Variants in GABRB2 observed in about 807,000 individuals in gnomAD.
GABRB2 encodes gamma-aminobutyric acid type A receptor subunit beta2.
A neutral mutation model predicts 54.7 loss-of-function variants in GABRB2; 16 were observed. The observed-to-expected ratio is 0.29, with a 90% CI of 0.20 to 0.44. The LOEUF (loss-of-function observed/expected upper bound fraction) is 0.44, where lower values mean the gene tolerates loss of function less well. Ranked by LOEUF, GABRB2 falls within the 20% of genes least tolerant of loss-of-function variation. GABRB2 has a pLI of 1.00. For missense variants in GABRB2, 355 were observed against 644.0 expected (o/e 0.55, Z 4.86); for synonymous variants, 244 against 233.8 (o/e 1.04, Z -0.40).
chr5:161,539,711 G>T (rs1281451953), intron 3 of GABRB2, among the ~76,000 whole-genome samples: 1 of 152,068 alleles, frequency 6.6e-6, no homozygotes, highest in Non-Finnish European at 1.5e-5. Context: ...TTACATGAAG[G>T]CATACCACAG....
chr5:161,424,855 T>C (rs566801353), intron 4 of GABRB2, among the ~76,000 whole-genome samples: 233 of 152,206 alleles, frequency 1.5e-3, no homozygotes, highest in Non-Finnish European at 2.9e-3. Context: ...CTTGATGCCA[T>C]TAAGACCAAT....
chr5:161,424,456 T>C (rs1001257245), intron 4 of GABRB2, among the ~76,000 whole-genome samples: 1 of 152,138 alleles, frequency 6.6e-6, no homozygotes, highest in African/African-American at 2.4e-5. Context: ...CCCTTAAAAG[T>C]TATGCTAAAT....
At chr5:161,486,938 C>T (rs1758942536) in intron 3 of GABRB2, among the ~76,000 whole-genome samples, 1 of 151,804 alleles carries the variant, frequency 6.6e-6, no homozygotes, top group South Asian at 2.1e-4. Flanking sequence ...AGAATCTTTA[C>T]CAAATCTAAC....
chr5:161,440,338 A>G (rs1010423189), intron 4 of GABRB2, among the ~76,000 whole-genome samples: 1 of 152,158 alleles, frequency 6.6e-6, no homozygotes, highest in East Asian at 1.9e-4. Context: ...TCTGTTGCCT[A>G]CAAGAAACGC....
intron 4 of GABRB2, among the ~76,000 whole-genome samples, chr5:161,443,511 T>G (rs1279150647): frequency 6.6e-6 from 1 of 152,182 alleles, no homozygotes; most frequent in Non-Finnish European, 1.5e-5. Flanking sequence ...AAAACCTATT[T>G]AGTGACACAG....
chr5:161,329,472 A>T, intron 8 of GABRB2: 1 of 152,154 alleles, frequency 6.6e-6, no homozygotes, highest in East Asian at 1.9e-4. Flanking sequence ...ATTGTTGCAA[A>T]TATCATCTTC....
chr5:161,454,115 G>A lies in GABRB2; in HGVS notation c.458+5509C>T, dbSNP rs554058459. On this transcript the variant is annotated intron_variant, in intron 4 of 9. Transcript: ENST00000393959. ...CTTCAAATAAAGTTAAGAAAATGGAGGAGTGATAAGACATGATGAGAAGAA... is the reference window on the plus strand; with the variant it reads ...CTTCAAATAAAGTTAAGAAAATGGAAGAGTGATAAGACATGATGAGAAGAA... Among the ~76,000 whole-genome samples the A allele has an allele frequency of 2.9e-3, 445 of 151,900 alleles. 2 individuals are homozygous for A. Among genetic ancestry groups the A allele is most frequent in the Middle Eastern group, 6.9e-3 (2 of 290 alleles).
At chr5:161,535,833 A>G (rs1368079254) in intron 3 of GABRB2, among the ~76,000 whole-genome samples, 1 of 152,060 alleles carries the variant, frequency 6.6e-6, no homozygotes, top group Admixed American at 6.5e-5. Context: ...GCCTAATGGG[A>G]GGTGCTAAGA....
chr5:161,514,236 C>T (rs1277190906), intron 3 of GABRB2, among the ~76,000 whole-genome samples: 1 of 152,102 alleles, frequency 6.6e-6, no homozygotes. Flanking sequence ...CCAAGGCTTG[C>T]CCTCCCATTC....
At chr5:161,372,267 G>A (rs1171911037) in intron 5 of GABRB2, among the ~76,000 whole-genome samples, 2 of 152,108 alleles carry the variant, frequency 1.3e-5, no homozygotes, top group Non-Finnish European at 2.9e-5. Context: ...ACCCACTGGG[G>A]CTGCATCCCT....
chr5:161,501,435 T>C (rs1326839998), intron 3 of GABRB2, among the ~76,000 whole-genome samples: 1 of 152,186 alleles, frequency 6.6e-6, no homozygotes, highest in Non-Finnish European at 1.5e-5. Flanking sequence ...TTTGAGTGCT[T>C]TATTTTTGAA....
At chr5:161,308,703 A>G (rs1025141336) in intron 9 of GABRB2, among the ~76,000 whole-genome samples, 1 of 152,228 alleles carries the variant, frequency 6.6e-6, no homozygotes, top group Non-Finnish European at 1.5e-5. Flanking sequence ...CCCAGAAATA[A>G]GACCACACAT....
intron 8 of GABRB2, among the ~76,000 whole-genome samples, chr5:161,329,149 A>G (rs1366318482): frequency 6.6e-6 from 1 of 152,202 alleles, no homozygotes; most frequent in African/African-American, 2.4e-5. Flanking sequence ...GGTAGATGAA[A>G]GTGAAGAGAT....
chr5:161,501,687 T>A (rs1224048494), intron 3 of GABRB2, among the ~76,000 whole-genome samples: 1 of 152,062 alleles, frequency 6.6e-6, no homozygotes, highest in Non-Finnish European at 1.5e-5. Flanking sequence ...GTATTGTGTT[T>A]GTGTCTGCAT....
chr5:161,367,323 T>C (rs1318603438), intron 5 of GABRB2, among the ~76,000 whole-genome samples: 1 of 152,202 alleles, frequency 6.6e-6, no homozygotes, highest in Non-Finnish European at 1.5e-5. Flanking sequence ...GGGGCTCTTG[T>C]GAAGATAAAT....
intron 3 of GABRB2, among the ~76,000 whole-genome samples, chr5:161,490,222 A>C (rs1293459876): frequency 6.6e-6 from 1 of 151,792 alleles, no homozygotes; most frequent in Admixed American, 6.6e-5. Flanking sequence ...GCCATGTCTA[A>C]AAACAATTTT....
At chr5:161,308,601 G>T (rs252968) in intron 9 of GABRB2, among the ~76,000 whole-genome samples, 1 of 152,076 alleles carries the variant, frequency 6.6e-6, no homozygotes, top group African/African-American at 2.4e-5. Flanking sequence ...CACTCTACCC[G>T]ACTTCAAATT....
chr5:161,382,508 T>TA (rs36121077), intron 5 of GABRB2, among the ~76,000 whole-genome samples: 77 of 151,274 alleles, frequency 5.1e-4, no homozygotes, highest in Admixed American at 6.6e-4. Flanking sequence ...ACACTTCTGT[T>TA]AAAAAAAAAG....
At chr5:161,522,985 G>C (rs1760165699) in intron 3 of GABRB2, among the ~76,000 whole-genome samples, 2 of 151,334 alleles carry the variant, frequency 1.3e-5, no homozygotes, top group African/African-American at 2.4e-5. Flanking sequence ...AATTTATTGA[G>C]TTTTAGTATG....
Sources: allele counts gnomAD v4.1 joint callset (sites outside exome capture counted in the v4.1 genomes callset), GRCh38; gene constraint gnomAD v4.1.1; transcripts MANE v1.5; gene names NCBI Gene and HGNC (gene_info 2026-07-23, HGNC 2026-07-21).